The following ZNF285 variants were observed in gnomAD, a reference collection of about 807,000 sequenced individuals.
ZNF285 encodes zinc finger protein 285.
A neutral mutation model predicts 6.2 loss-of-function variants in ZNF285; 4 were observed. That is an observed-to-expected ratio of 0.65 (90% CI 0.32 to 1.49). The LOEUF (loss-of-function observed/expected upper bound fraction) is 1.49. Ranked by LOEUF, ZNF285 falls within the 40% of genes most tolerant of loss-of-function variation. The pLI is 0.07. For synonymous variants in ZNF285, 240 were observed against 245.8 expected (o/e 0.98, Z 0.22); for missense variants, 695 against 708.8 (o/e 0.98, Z 0.22).
Position 44,387,681 on chromosome 19 carries a change from G to T in ZNF285, c.564C>A (p.Thr188=). 6.2e-7 allele frequency: 1 copy of T among 1,613,768 alleles called. No individual in the cohort carries two copies. Among genetic ancestry groups the T allele is most frequent in the Non-Finnish European group, 8.5e-7 (1 of 1,179,830 alleles). Residue 188 remains threonine, a synonymous_variant, in exon 4 of 4, where the codon ACC becomes ACA. Coordinates refer to ENST00000614994, the MANE Select transcript of ZNF285 (RefSeq NM_152354.6). ...RAQHDDSLSW[T]SCDHHESQEC... ...CTTGGGACTCATGATGATCACATGA[G>T]GTCCAACTGAGGCTGTCATCATGCT...
Position 44,387,846 on chromosome 19 carries a change from T to C in ZNF285, c.399A>G (p.Gln133=), listed in dbSNP as rs955778266. ...TCAGGCTTTGCCATGCTGTGATATCTTGATTTTTGATAATGGCATTTACTA... is the reference window on the plus strand; with the variant it reads ...TCAGGCTTTGCCATGCTGTGATATCCTGATTTTTGATAATGGCATTTACTA... ...NYVVNAIIKN[Q]DITAWQSLTQ... The change falls in exon 4 of 4, where the codon CAA becomes CAG. Residue 133 remains glutamine (Q), a synonymous_variant. Transcript: ENST00000614994. 8.1e-6 allele frequency: 13 copies of C among 1,613,854 alleles called. No homozygotes were observed. Among genetic ancestry groups the C allele is most frequent in the South Asian group, 1.1e-5 (1 of 91,084 alleles).
intron 3 of ZNF285, 114 bp downstream of exon 3, chr19:44,392,226 A>T (rs1377602251): frequency 1.7e-5 from 27 of 1,549,262 alleles, no homozygotes; most frequent in Non-Finnish European, 2.3e-5. Context: ...ATCTCTTAGG[A>T]GTTTTCTTTC....
rs1568384093 is a variant in ZNF285 at position 44,387,232 on chromosome 19, T to C, written c.1013A>G (p.His338Arg). Reference sequence around the variant, plus strand: ...GCATTTGTAGGGCATCTCCCCTGTGTGGACTCGATGATGGTTGTGAAGGGA... The same window carrying C: ...GCATTTGTAGGGCATCTCCCCTGTGCGGACTCGATGATGGTTGTGAAGGGA... ...SSSLHNHHRV[H>R]TGEMPYKCDE... The change falls in exon 4 of 4, where the codon CAC becomes CGC. Residue 338 changes from histidine (H) to arginine (R), a missense_variant. His to Arg is a conservative substitution (Grantham distance 29). Transcript: ENST00000614994. 1 of 1,614,186 alleles carries C rather than the reference T, an allele frequency of 6.2e-7. No individual in the cohort carries two copies. The highest frequency in any genetic ancestry group is 8.5e-7 in the Non-Finnish European group (1 of 1,180,022).
At chr19:44,396,916 TTC>T (rs1267372911) in intron 2 of ZNF285, 8 of 420,578 alleles carry the variant, frequency 1.9e-5, no homozygotes, top group African/African-American at 1.0e-4. Flanking sequence ...TTACTCTTGA[TTC>T]TTTTTCCCTC....
At chr19:44,392,061 C>T in intron 3 of ZNF285, 1 of 753,364 alleles carries the variant, frequency 1.3e-6, no homozygotes, top group Non-Finnish European at 1.8e-6. Flanking sequence ...GGAATGAGAG[C>T]CTAAATGTGT....
rs1568383830 is a variant in ZNF285 at position 44,387,086 on chromosome 19, G to A, written c.1159C>T (p.Leu387Phe). 3 of 1,614,164 alleles carry A rather than the reference G, an allele frequency of 1.9e-6. No individual in the cohort carries two copies. Among genetic ancestry groups the A allele is most frequent in the East Asian group, 4.5e-5 (2 of 44,880 alleles). Residue 387 changes from leucine (L) to phenylalanine (F), a missense_variant, in exon 4 of 4, where the codon CTT becomes TTT. By Grantham distance (22) the Leu-to-Phe change is conservative. Transcript: ENST00000614994. ...CGKGFDQSSN[L>F]LVHQRVHTGE... is the part of the protein sequence containing the mutation. ...GTGTGGACTCTCTGATGGACAAGAAGGTTGGAGCTCTGATCAAAGCCCTTC... is the reference window on the plus strand; with the variant it reads ...GTGTGGACTCTCTGATGGACAAGAAAGTTGGAGCTCTGATCAAAGCCCTTC...
rs1971067759 is a variant in ZNF285 at position 44,386,295 on chromosome 19, A to G, written c.*177T>C. 1 of 679,694 alleles carries G rather than the reference A, an allele frequency of 1.5e-6. No individual in the cohort carries two copies. The highest frequency in any genetic ancestry group is 2.4e-6 in the Non-Finnish European group (1 of 417,322). The allele number at this position is 679,694 out of a possible 1,614,324, so 42.1% of individuals were successfully genotyped here. A position where few individuals can be genotyped will look rare whatever the true frequency, so the allele number is the denominator to read the frequency against. On this transcript the variant is annotated 3_prime_UTR_variant, in exon 4 of 4. Coordinates refer to ENST00000614994, the MANE Select transcript of ZNF285 (RefSeq NM_152354.6). Reference sequence around the variant, plus strand: ...ATACAGCAGTTGATGGGAGCTTCACAGAAGTTCTTGAAATCCACAGTCCTT... The same window carrying G: ...ATACAGCAGTTGATGGGAGCTTCACGGAAGTTCTTGAAATCCACAGTCCTT...
chr19:44,394,466 T>G, intron 2 of ZNF285: 1 of 488,198 alleles, frequency 2.0e-6, no homozygotes, highest in Non-Finnish European at 3.6e-6. Flanking sequence ...ATTACCTGGG[T>G]GACAAAATTT....
At position 44,384,153 on chromosome 19, in the gene ZNF285, G is replaced by C. The variant is rs1445780186; in HGVS notation, c.*2319C>G. The C allele has an allele frequency of 6.6e-6, 1 of 152,130 alleles. No homozygotes were observed. Among genetic ancestry groups the C allele is most frequent in the African/African-American group, 2.4e-5 (1 of 41,442 alleles). The allele number at this position is 152,130 out of a possible 1,614,324, so 9.4% of individuals were successfully genotyped here. A position where few individuals can be genotyped will look rare whatever the true frequency, so the allele number is the denominator to read the frequency against. On this transcript the variant is annotated 3_prime_UTR_variant, in exon 4 of 4. Coordinates refer to ENST00000614994, the MANE Select transcript of ZNF285 (RefSeq NM_152354.6). ...ACAATAACATGTGGACATTTTTATA[G>C]GTCTAGATCATTGTTGATGGAGCCA...
At chr19:44,394,370 C>A (rs2123280727) in intron 2 of ZNF285, 1 of 396,818 alleles carries the variant, frequency 2.5e-6, no homozygotes, top group Non-Finnish European at 4.4e-6. Flanking sequence ...ATGTAACTAA[C>A]CTGCAGGTTG....
chr19:44,395,568 T>TAG (rs752882288), intron 2 of ZNF285, among the ~76,000 whole-genome samples: 3 of 152,192 alleles, frequency 2.0e-5, no homozygotes, highest in Non-Finnish European at 2.9e-5. Flanking sequence ...GTCTGGGTAT[T>TAG]AGATAATACC....
chr19:44,396,734 AATAT>A (rs1971285948), intron 2 of ZNF285: 1 of 156,640 alleles, frequency 6.4e-6, no homozygotes, highest in African/African-American at 2.4e-5. Context: ...TAAATCTCTT[AATAT>A]ATATCTCTTA....
At chr19:44,394,418 AAAAG>A (rs1348251268) in intron 2 of ZNF285, 1 of 432,112 alleles carries the variant, frequency 2.3e-6, no homozygotes, top group East Asian at 3.5e-5. Context: ...TAATAAAAAA[AAAAG>A]AAGTACTGAA....
intron 1 of ZNF285, among the ~76,000 whole-genome samples, chr19:44,401,144 C>T (rs1225279164): frequency 2.0e-5 from 3 of 152,098 alleles, no homozygotes; most frequent in Non-Finnish European, 4.4e-5. Flanking sequence ...CAGAGACTAG[C>T]TGCTTAAGCA....
In ZNF285 at chr19:44,386,151, T is replaced by A. The variant is rs958836475; in HGVS notation, c.*321A>T. On this transcript the variant is annotated 3_prime_UTR_variant, in exon 4 of 4. Coordinates refer to ENST00000614994, the MANE Select transcript of ZNF285 (RefSeq NM_152354.6). ...GTTGGCTGAACTGAAGACCTTACCA[T>A]GATCATCCCAATTAGAATTTCCTTC... 91 of 249,556 alleles carry A rather than the reference T, an allele frequency of 3.6e-4. No individual in the cohort carries two copies. The highest frequency in any genetic ancestry group is 1.9e-3 in the African/African-American group (87 of 45,898). 15.5% of individuals were successfully genotyped at this position (249,556 alleles called of 1,614,324 possible). A position where few individuals can be genotyped will look rare whatever the true frequency, so the allele number is the denominator to read the frequency against.
At chr19:44,399,669 T>C (rs1241007592) in intron 1 of ZNF285, among the ~76,000 whole-genome samples, 3 of 151,764 alleles carry the variant, frequency 2.0e-5, no homozygotes, top group Admixed American at 1.3e-4. Flanking sequence ...TTTGGTTTCC[T>C]GAATTTCTGG....
At chr19:44,389,153 A>G (rs1442747960) in intron 3 of ZNF285, among the ~76,000 whole-genome samples, 2 of 151,622 alleles carry the variant, frequency 1.3e-5, no homozygotes, top group African/African-American at 4.9e-5. Flanking sequence ...TCAGACAGCC[A>G]TGACTATGAA....
Position 44,387,539 on chromosome 19 carries a change from T to C in ZNF285, c.706A>G (p.Asn236Asp), listed in dbSNP as rs750087619. 2 of 1,613,984 alleles carry C rather than the reference T, an allele frequency of 1.2e-6. No individual in the cohort carries two copies. The highest frequency in any genetic ancestry group is 2.2e-5 in the South Asian group (2 of 91,072). ...TCATCTGCAAAGGCCACCCCACAGT[T>C]ATTACATGGGAAAGGCTGTGGTAAT... is the stretch of plus-strand genomic sequence containing the variant. ...HVLPQPFPCNNCGVAFADDTD... is the reference protein window; with the variant it reads ...HVLPQPFPCNDCGVAFADDTD... Residue 236 changes from asparagine (N) to aspartate (D), a missense_variant, in exon 4 of 4, where the codon AAC (asparagine) becomes GAC (aspartate). By Grantham distance (23) the Asn-to-Asp change is conservative. Transcript: ENST00000614994.
intron 1 of ZNF285, among the ~76,000 whole-genome samples, chr19:44,400,568 A>T (rs138215246): frequency 7.4e-4 from 112 of 152,074 alleles, no homozygotes; most frequent in Middle Eastern, 6.8e-3. Context: ...AATTTGGGGC[A>T]GTTCTTTTCT....
Sources: gnomAD v4.1 joint callset for allele counts (sites outside exome capture counted in the v4.1 genomes callset) on GRCh38, gnomAD v4.1.1 for gene constraint, MANE v1.5 for transcripts, NCBI Gene and HGNC (gene_info 2026-07-23, HGNC 2026-07-21) for gene names.